GIT1: variants seen among roughly 807,000 people sequenced by gnomAD.
GIT1 encodes the protein GIT ArfGAP 1.
GIT1 carries 14 observed loss-of-function variants against 91.7 expected under a neutral mutation model. The ratio of observed to expected loss-of-function variants is 0.15; its 90% CI spans 0.10 to 0.24. GIT1 has a LOEUF of 0.24. GIT1 is among the 10% of genes least tolerant of loss of function. GIT1 has a pLI of 1.00. For synonymous variants in GIT1, 414 were observed against 418.2 expected (o/e 0.99, Z 0.12); for missense variants, 717 against 1,024.9 (o/e 0.70, Z 4.10).
intron 4 of GIT1, 129 bp downstream of exon 4, chr17:29,582,569 G>A (rs1185973165): frequency 1.5e-6 from 1 of 671,320 alleles, no homozygotes; most frequent in Non-Finnish European, 2.7e-6. Flanking sequence ...TCTCCACCCT[G>A]TCTACTGTTA....
At chr17:29,576,001 G>C in intron 15 of GIT1, 77 bp downstream of exon 15, 1 of 1,561,668 alleles carries the variant, frequency 6.4e-7, no homozygotes, top group Non-Finnish European at 8.8e-7. Context: ...CTTAAGCCCC[G>C]AATTCAGCAC....
intron 10 of GIT1, 87 bp downstream of exon 10, chr17:29,577,558 C>T: frequency 1.1e-6 from 1 of 885,228 alleles, no homozygotes; most frequent in Non-Finnish European, 1.9e-6. Context: ...TGCTGGAGAG[C>T]TGGCTCAGGC....
intron 7 of GIT1, chr17:29,579,112 G>C (rs966242550): frequency 2.3e-5 from 19 of 814,140 alleles, no homozygotes; most frequent in East Asian, 7.4e-5. Context: ...CGGCCCAGAA[G>C]GGACAAAGCT....
At chr17:29,577,578 C>T in intron 10 of GIT1, 67 bp downstream of exon 10, 1 of 1,047,874 alleles carries the variant, frequency 9.5e-7, no homozygotes, top group Non-Finnish European at 1.5e-6. Flanking sequence ...CCCCAGCCCA[C>T]TGCCGGATGA....
Position 29,589,261 on chromosome 17 carries a change from A to C in GIT1, c.52+66T>G. ...TCCGGCCCCGCACAGCGCTCTTGCC[A>C]GGCCCCGGCGCCCGCCCGGCGGCGG... On this transcript the variant is annotated intron_variant, in intron 1 of 19. Transcript: ENST00000225394. The surrounding 1 kb of genome is among the most constrained non-coding windows in gnomAD (Gnocchi z 5.2). 2.0e-6 allele frequency: 1 copy of C among 507,524 alleles called. No individual in the cohort carries two copies. Among genetic ancestry groups the C allele is most frequent in the Non-Finnish European group, 2.5e-6 (1 of 394,160 alleles). The allele number at this position is 507,524 out of a possible 1,614,324, so 31.4% of individuals were successfully genotyped here.
At chr17:29,579,896 G>A (rs2033340727) in intron 7 of GIT1, among the ~76,000 whole-genome samples, 2 of 152,126 alleles carry the variant, frequency 1.3e-5, no homozygotes, top group South Asian at 4.1e-4. Context: ...ACACTTCTGT[G>A]CCTGGAACTC....
In GIT1 at chr17:29,577,642, C is replaced by T; in HGVS notation, c.981+3G>A. On this transcript the variant is annotated splice_donor_region_variant and intron_variant, in intron 10 of 19. Coordinates refer to ENST00000225394, the MANE Select transcript of GIT1 (RefSeq NM_014030.4). ...CCCCAGGCCCCCAATCCAGCCCCCT[C>T]ACCTGATTCCGCGTGGCTGAGTATT... 1 of 1,588,774 alleles carries T rather than the reference C, an allele frequency of 6.3e-7. No homozygotes were observed. The highest frequency in any genetic ancestry group is 8.6e-7 in the Non-Finnish European group (1 of 1,157,066).
At chr17:29,582,294 C>T (rs2033426689) in intron 4 of GIT1, 150 bp from the exon 5 acceptor site, 1 of 629,004 alleles carries the variant, frequency 1.6e-6, no homozygotes, top group Non-Finnish European at 2.8e-6. Flanking sequence ...AGGCTTCCCG[C>T]TAGGGGTTAA....
At position 29,577,602 on chromosome 17, in the gene GIT1, G is replaced by GGAT. The variant is rs1424130621; in HGVS notation, c.981+40_981+42dup. ...ACTGCCGGATGAGGAGGGACCGCGGGGATGAAGTAGACCACCCCAGGCCCC... is the reference window on the plus strand; with the variant it reads ...ACTGCCGGATGAGGAGGGACCGCGGGGATGATGAAGTAGACCACCCCAGGCCCC... On this transcript the variant is annotated intron_variant, in intron 10 of 19. Coordinates refer to ENST00000225394, the MANE Select transcript of GIT1 (RefSeq NM_014030.4). 6 of 1,276,808 alleles carry GGAT rather than the reference G, an allele frequency of 4.7e-6. No homozygotes were observed. In the African/African-American group the frequency reaches 8.7e-5, roughly 18 times the overall value. The allele number at this position is 1,276,808 out of a possible 1,614,324, so 79.1% of individuals were successfully genotyped here.
At chr17:29,582,581 C>A in intron 4 of GIT1, 117 bp downstream of exon 4, 1 of 714,958 alleles carries the variant, frequency 1.4e-6, no homozygotes, top group Admixed American at 2.1e-5. Flanking sequence ...CTACTGTTAC[C>A]CTGACCTGGC....
Position 29,589,309 on chromosome 17 carries a change from C to A in GIT1, c.52+18G>T. 9.8e-7 allele frequency: 1 copy of A among 1,019,426 alleles called. No homozygotes were observed. 63.1% of individuals were successfully genotyped at this position (1,019,426 alleles called of 1,614,324 possible). A position where few individuals can be genotyped will look rare whatever the true frequency, so the allele number is the denominator to read the frequency against. On this transcript the variant is annotated intron_variant, in intron 1 of 19. Coordinates refer to ENST00000225394, the MANE Select transcript of GIT1 (RefSeq NM_014030.4). This position sits in a 1 kb window ranked among gnomAD's most constrained non-coding sequence, Gnocchi z 5.2. ...CGGCCTGGCTGTGCGGTCCCGCCCCCGGCCCCGCCGCGCTTACCCGGGGCG... is the reference window on the plus strand; with the variant it reads ...CGGCCTGGCTGTGCGGTCCCGCCCCAGGCCCCGCCGCGCTTACCCGGGGCG...
chr17:29,588,311 G>A (rs2033667635), intron 1 of GIT1, among the ~76,000 whole-genome samples: 1 of 152,224 alleles, frequency 6.6e-6, no homozygotes, highest in Admixed American at 6.5e-5. Flanking sequence ...ATGTGGGCTA[G>A]AGCTTCCTTC....
chr17:29,576,898 G>C lies in GIT1; in HGVS notation c.1192C>G (p.Arg398Gly), dbSNP rs753551521. The change falls in exon 12 of 20, where the codon CGC becomes GGC. Residue 398 changes from arginine (R) to glycine (G), a missense_variant. Physicochemically the swap from Arg to Gly is moderately radical, Grantham distance 125. Around this residue, in one of 3 missense-constraint regions of GIT1, gnomAD observed 312 missense variants for 349.5 expected, o/e 0.89. Coordinates refer to ENST00000225394, the MANE Select transcript of GIT1 (RefSeq NM_014030.4). Reference protein sequence around the residue: ...SDEDTDQEPLRSTGATRSNRA... With the variant: ...SDEDTDQEPLGSTGATRSNRA... ...TTGCTCCGAGTGGCGCCGGTGCTGC[G>C]CAGGGGCTCCTGGTCTGTGTCCTCG... The C allele has an allele frequency of 3.8e-6, 6 of 1,577,040 alleles. No homozygotes were observed. Among genetic ancestry groups the C allele is most frequent in the Non-Finnish European group, 5.2e-6 (6 of 1,163,202 alleles).
chr17:29,588,625 C>T (rs2033682001), intron 1 of GIT1, among the ~76,000 whole-genome samples: 1 of 152,150 alleles, frequency 6.6e-6, no homozygotes, highest in South Asian at 2.1e-4. Context: ...CCCAAGCAGG[C>T]CTTACCGGTG....
intron 9 of GIT1, among the ~76,000 whole-genome samples, 154 bp from the exon 10 acceptor site, chr17:29,577,896 C>T (rs374299211): frequency 2.0e-4 from 30 of 152,316 alleles, no homozygotes; most frequent in Middle Eastern, 3.4e-3. Flanking sequence ...AGAGCTAGGC[C>T]GGGCCAGGGC....
At chr17:29,577,102 C>T (rs1328305852) in intron 11 of GIT1, 34 bp downstream of exon 11, 2 of 1,609,034 alleles carry the variant, frequency 1.2e-6, no homozygotes, top group Admixed American at 3.3e-5. Flanking sequence ...GGAGCCCCGC[C>T]TGCTTCCCAC....
chr17:29,577,034 C>G, intron 11 of GIT1, 38 bp from the exon 12 acceptor site: 1 of 1,606,124 alleles, frequency 6.2e-7, no homozygotes, highest in African/African-American at 1.3e-5. Context: ...CACACTCCAC[C>G]ACACAACCCA....
At position 29,574,339 on chromosome 17, in the gene GIT1, G is replaced by A. The variant is rs1276059513; in HGVS notation, c.*363C>T. ...GGGCTGAACTGGCTCATGGGGGTGG[G>A]GCGCATGTACGGAGAGCTGCCCCAC... On this transcript the variant is annotated 3_prime_UTR_variant, in exon 20 of 20. Transcript: ENST00000225394. The A allele has an allele frequency of 6.9e-6, 2 of 290,110 alleles. No homozygotes were observed. The highest frequency in any genetic ancestry group is 1.3e-5 in the Non-Finnish European group (2 of 150,318). 18.0% of individuals were successfully genotyped at this position (290,110 alleles called of 1,614,324 possible).
intron 4 of GIT1, 66 bp downstream of exon 4, chr17:29,582,632 C>T: frequency 9.1e-7 from 1 of 1,093,340 alleles, no homozygotes; most frequent in Non-Finnish European, 1.4e-6. Flanking sequence ...AAAGGAGAGG[C>T]CTTCAGAGAG....
Sources: gnomAD v4.1 joint callset for allele counts (sites outside exome capture counted in the v4.1 genomes callset) on GRCh38, gnomAD v4.1.1 for gene constraint, gnomAD v4.1.1 regional missense constraint, Gnocchi (gnomAD v3.1) non-coding constraint, MANE v1.5 for transcripts, NCBI Gene and HGNC (gene_info 2026-07-23, HGNC 2026-07-21) for gene names.